PTPRG: variants seen among roughly 807,000 people sequenced by gnomAD.
PTPRG encodes the protein protein tyrosine phosphatase receptor type G, also known as receptor-type tyrosine-protein phosphatase gamma.
Under a neutral mutation model 165.3 loss-of-function variants are expected in PTPRG, and 102 were observed. That is an observed-to-expected ratio of 0.62 (90% confidence interval 0.53 to 0.73). PTPRG has a LOEUF of 0.73. Ranked by LOEUF, PTPRG falls within the 30% of genes least tolerant of loss-of-function variation. PTPRG has a pLI of 0.00. For missense variants in PTPRG, 1,866 were observed against 1,861.4 expected, an observed-to-expected ratio of 1.00 and a Z score of -0.05; for synonymous variants, 675 against 669.5, an observed-to-expected ratio of 1.01 and a Z score of -0.13.
At chr3:61,596,913 T>C (rs1196489654) in intron 1 of PTPRG, among the ~76,000 whole-genome samples, 1 of 152,178 alleles carries the variant, frequency 6.6e-6, no homozygotes, top group Admixed American at 6.5e-5. Flanking sequence ...TAGTCCATTT[T>C]GTGCTGTTAT....
chr3:61,891,639 C>T (rs1198148716), intron 2 of PTPRG, among the ~76,000 whole-genome samples: 2 of 152,212 alleles, frequency 1.3e-5, no homozygotes, highest in Non-Finnish European at 2.9e-5. Context: ...CTGGAAAGCA[C>T]ATGAGGTAGC....
chr3:61,755,552 C>T (rs2106943614), intron 2 of PTPRG, among the ~76,000 whole-genome samples: 1 of 152,276 alleles, frequency 6.6e-6, no homozygotes, highest in African/African-American at 2.4e-5. Flanking sequence ...ACCACACTTA[C>T]TAATTGTCTA....
At chr3:61,949,770 C>T (rs115927234) in intron 2 of PTPRG, among the ~76,000 whole-genome samples, 6,600 of 150,412 alleles carry the variant, frequency 0.044, 195 homozygotes, top group Non-Finnish European at 0.072. Flanking sequence ...GAAGAAGTCT[C>T]GCTCTGTCAC....
intron 1 of PTPRG, among the ~76,000 whole-genome samples, chr3:61,619,134 G>A (rs920394883): frequency 2.6e-5 from 4 of 151,974 alleles, no homozygotes; most frequent in East Asian, 1.9e-4. Flanking sequence ...TCCAGCCTGG[G>A]CAAAACAGTA....
chr3:62,062,406 G>T (rs1406978614), intron 4 of PTPRG, among the ~76,000 whole-genome samples: 1 of 152,128 alleles, frequency 6.6e-6, no homozygotes, highest in Non-Finnish European at 1.5e-5. Context: ...TTGTATACAG[G>T]TGTTCACAGC....
At chr3:62,057,788 T>C (rs1038287080) in intron 4 of PTPRG, among the ~76,000 whole-genome samples, 6 of 152,222 alleles carry the variant, frequency 3.9e-5, no homozygotes, top group Non-Finnish European at 8.8e-5. Context: ...TCCAAATGGG[T>C]CCTAATGTGC....
intron 2 of PTPRG, among the ~76,000 whole-genome samples, chr3:61,754,214 G>T (rs180776743): frequency 6.8e-4 from 103 of 152,298 alleles, no homozygotes; most frequent in African/African-American, 2.5e-3. Flanking sequence ...TCCTGCCATA[G>T]CCAGGGGCCA....
chr3:61,887,037 G>T (rs1478140040), intron 2 of PTPRG, among the ~76,000 whole-genome samples: 2 of 148,886 alleles, frequency 1.3e-5, no homozygotes, highest in African/African-American at 5.0e-5. Context: ...TGCGCCACTA[G>T]TAAGAGGAAA....
intron 2 of PTPRG, among the ~76,000 whole-genome samples, chr3:61,777,586 C>T (rs936564462): frequency 4.6e-5 from 7 of 152,072 alleles, no homozygotes; most frequent in African/African-American, 1.7e-4. Flanking sequence ...AAATGCAGTG[C>T]TGTTAGGGTT....
At chr3:62,081,637 G>A (rs892943620) in intron 5 of PTPRG, among the ~76,000 whole-genome samples, 1 of 152,168 alleles carries the variant, frequency 6.6e-6, no homozygotes, top group Admixed American at 6.5e-5. Flanking sequence ...CAGCCACTGC[G>A]CCCGGCCCCT....
chr3:62,207,120 A>G (rs972991405), intron 12 of PTPRG, among the ~76,000 whole-genome samples: 1 of 152,208 alleles, frequency 6.6e-6, no homozygotes, highest in Non-Finnish European at 1.5e-5. Flanking sequence ...TTTTTCAGCT[A>G]AGGGCCAGAG....
chr3:61,699,661 C>G (rs1224406326), intron 1 of PTPRG, among the ~76,000 whole-genome samples: 1 of 152,102 alleles, frequency 6.6e-6, no homozygotes, highest in Non-Finnish European at 1.5e-5. Flanking sequence ...AGCAGGTTTG[C>G]TTTATTTTCT....
At chr3:61,960,768 A>G (rs1477891302) in intron 2 of PTPRG, among the ~76,000 whole-genome samples, 2 of 152,108 alleles carry the variant, frequency 1.3e-5, no homozygotes, top group African/African-American at 4.8e-5. Context: ...TAGCTTTATA[A>G]TGGGTCTTGG....
intron 2 of PTPRG, among the ~76,000 whole-genome samples, chr3:61,869,933 G>A (rs1276198785): frequency 6.6e-6 from 1 of 151,882 alleles, no homozygotes; most frequent in Non-Finnish European, 1.5e-5. Context: ...TCACCTAAAT[G>A]CTCCTTCTTG....
intron 1 of PTPRG, among the ~76,000 whole-genome samples, chr3:61,585,656 A>G (rs1484261005): frequency 6.6e-6 from 1 of 152,190 alleles, no homozygotes; most frequent in Non-Finnish European, 1.5e-5. Context: ...CTGAGGTGGG[A>G]GGATGGCTTC....
chr3:62,244,901 A>G (rs1457693532), intron 15 of PTPRG, among the ~76,000 whole-genome samples: 1 of 152,218 alleles, frequency 6.6e-6, no homozygotes, highest in African/African-American at 2.4e-5. Flanking sequence ...TGTGAAACTC[A>G]GAGGTAGAGT....
intron 8 of PTPRG, among the ~76,000 whole-genome samples, chr3:62,169,597 G>A (rs991492357): frequency 3.9e-5 from 6 of 152,018 alleles, no homozygotes; most frequent in African/African-American, 1.5e-4. Context: ...ACAGAGCTCC[G>A]GAAATGCTGA....
intron 17 of PTPRG, among the ~76,000 whole-genome samples, chr3:62,266,974 G>A (rs1363799599): frequency 5.3e-5 from 8 of 151,560 alleles, no homozygotes; most frequent in Non-Finnish European, 1.2e-4. Flanking sequence ...GGTTCTGTTA[G>A]GGTAGCAGGG....
chr3:61,689,772 AATG>A (rs1341349849), intron 1 of PTPRG, among the ~76,000 whole-genome samples: 6 of 152,198 alleles, frequency 3.9e-5, no homozygotes, highest in African/African-American at 1.4e-4. Context: ...CTAGTATGCA[AATG>A]ATGACAAAAT....
Sources: allele counts gnomAD v4.1 joint callset (sites outside exome capture counted in the v4.1 genomes callset), GRCh38; gene constraint gnomAD v4.1.1; transcripts MANE v1.5; gene names NCBI Gene and HGNC (gene_info 2026-07-23, HGNC 2026-07-21).